Variants in PRSS12 observed in about 807,000 individuals in gnomAD.
PRSS12 encodes serine protease 12.
In PRSS12, 85 loss-of-function variants were observed where a neutral mutation model predicts 104.4. The observed-to-expected ratio is 0.81, with a 90% CI of 0.68 to 0.98. The LOEUF is 0.98. Ranked by LOEUF, PRSS12 falls within the 50% of genes least tolerant of loss-of-function variation. The probability of loss-of-function intolerance (pLI) is 0.00; values close to 1 mark genes in which losing one functional copy is unlikely to be tolerated. For missense variants in PRSS12, 1,141 were observed against 1,139.2 expected (o/e 1.00, Z -0.02); for synonymous variants, 454 against 425.2 (o/e 1.07, Z -0.83).
At chr4:118,344,639 A>G (rs2126045215) in intron 1 of PRSS12, among the ~76,000 whole-genome samples, 1 of 152,252 alleles carries the variant, frequency 6.6e-6, no homozygotes, top group South Asian at 2.1e-4. Flanking sequence ...TTTATTATTC[A>G]TGTATACAAC....
Position 118,352,597 on chromosome 4 carries a change from G to A in PRSS12, c.124C>T (p.His42Tyr), listed in dbSNP as rs1380771926. Residue 42 changes from histidine to tyrosine, a missense_variant, in exon 1 of 13, where the codon CAC becomes TAC. Transcript: ENST00000296498. ...TGGGTGGGAAGGTAATAGGGGTAGT[G>A]CGGACCCGCAGGGGGCGAATGGCGG... ...SHRHSPPAGP[H>Y]YPYYLPTQQR... 10 of 1,606,654 alleles carry A rather than the reference G, an allele frequency of 6.2e-6. No homozygotes were observed. Among genetic ancestry groups the A allele is most frequent in the Non-Finnish European group, 8.5e-6 (10 of 1,176,942 alleles).
intron 8 of PRSS12, among the ~76,000 whole-genome samples, chr4:118,305,282 A>C (rs1350226476): frequency 6.6e-6 from 1 of 151,912 alleles, no homozygotes; most frequent in African/African-American, 2.4e-5. Flanking sequence ...CAAATTGCAG[A>C]TTATGTTATC....
chr4:118,352,955 G>T lies in PRSS12; in HGVS notation c.-235C>A. On this transcript the variant is annotated 5_prime_UTR_variant, in exon 1 of 13. Coordinates refer to ENST00000296498, the MANE Select transcript of PRSS12 (RefSeq NM_003619.4). ...GGGTGGGGAAATCTGGAGCTCAGCCGAGCCCCGGCCGGCGGAGAGGACCGG... is the reference window on the plus strand; with the variant it reads ...GGGTGGGGAAATCTGGAGCTCAGCCTAGCCCCGGCCGGCGGAGAGGACCGG... The T allele has an allele frequency of 8.8e-7, 1 of 1,137,058 alleles. No homozygotes were observed. The highest frequency in any genetic ancestry group is 1.2e-6 in the Non-Finnish European group (1 of 861,930). The allele number at this position is 1,137,058 out of a possible 1,614,324, so 70.4% of individuals were successfully genotyped here.
intron 8 of PRSS12, among the ~76,000 whole-genome samples, chr4:118,299,353 A>T (rs1214455910): frequency 6.6e-6 from 1 of 152,218 alleles, no homozygotes; most frequent in Non-Finnish European, 1.5e-5. Context: ...AGAGGTAAGA[A>T]CTAATTTTTT....
chr4:118,326,443 A>T (rs759763796), intron 4 of PRSS12, among the ~76,000 whole-genome samples: 4 of 152,222 alleles, frequency 2.6e-5, no homozygotes, highest in Non-Finnish European at 5.9e-5. Flanking sequence ...CTCAAAAGTT[A>T]AATAACTTGT....
intron 11 of PRSS12, among the ~76,000 whole-genome samples, chr4:118,286,868 C>G (rs552832090): frequency 7.2e-5 from 11 of 152,232 alleles, no homozygotes; most frequent in African/African-American, 2.6e-4. Context: ...ATAACTCCTG[C>G]CCGTACATGC....
chr4:118,295,210 A>C, intron 10 of PRSS12, 149 bp from the exon 11 acceptor site: 1 of 1,086,094 alleles, frequency 9.2e-7, no homozygotes, highest in Non-Finnish European at 1.3e-6. Flanking sequence ...ATCCCTTCCT[A>C]CTTTGAGAAG....
At chr4:118,321,219 CA>C (rs1723607131) in intron 4 of PRSS12, among the ~76,000 whole-genome samples, 1 of 152,090 alleles carries the variant, frequency 6.6e-6, no homozygotes, top group Non-Finnish European at 1.5e-5. Context: ...AATGACAAAA[CA>C]GAAAGTCATG....
rs769423638 is a variant in PRSS12, at chr4:118,318,515, C to G, written c.1013G>C (p.Gly338Ala). The change falls in exon 5 of 13, where the codon GGG becomes GCG. Residue 338 changes from glycine to alanine, a missense_variant. Coordinates refer to ENST00000296498, the MANE Select transcript of PRSS12 (RefSeq NM_003619.4). ...TTCATCCAACATAACTGGGCCAGACCCTTCCCCAAAATATGCCTGATGCCA... is the reference window on the plus strand; with the variant it reads ...TTCATCCAACATAACTGGGCCAGACGCTTCCCCAAAATATGCCTGATGCCA... Reference protein sequence around the residue: ...KAWHQAYFGEGSGPVMLDEVR... With the variant: ...KAWHQAYFGEASGPVMLDEVR... 3 of 1,614,138 alleles carry G rather than the reference C, an allele frequency of 1.9e-6. No individual in the cohort carries two copies. The South Asian group carries it at 3.3e-5, about 18-fold the overall frequency.
intron 11 of PRSS12, among the ~76,000 whole-genome samples, chr4:118,283,410 A>C (rs1374244846): frequency 4.6e-5 from 7 of 152,192 alleles, no homozygotes; most frequent in Non-Finnish European, 2.9e-5. Context: ...AGCGATCAAA[A>C]CAGGAATAGG....
intron 1 of PRSS12, among the ~76,000 whole-genome samples, chr4:118,340,046 T>C (rs1407599520): frequency 1.3e-5 from 2 of 152,224 alleles, no homozygotes; most frequent in Non-Finnish European, 2.9e-5. Flanking sequence ...AGATTTAAAA[T>C]AGTGTCTACA....
chr4:118,298,782 T>G lies in PRSS12; in HGVS notation c.1788A>C (p.Gly596=). Residue 596 remains glycine (G), a synonymous_variant, in exon 9 of 13, where the codon GGA becomes GGC. Coordinates refer to ENST00000296498, the MANE Select transcript of PRSS12 (RefSeq NM_003619.4). The stretch of plus-strand genomic sequence containing the variant: ...TCTTGCCAAAATAATCACAAATAAC[T>G]CCTGCATCTTCACTGTGGCGGCAGT... ...RHNCRHSEDA[G]VICDYFGKKA... The G allele has an allele frequency of 6.2e-7, 1 of 1,614,172 alleles. No individual in the cohort carries two copies. The highest frequency in any genetic ancestry group is 8.5e-7 in the Non-Finnish European group (1 of 1,180,028).
Position 118,309,374 on chromosome 4 carries a change from G to C in PRSS12, c.1490-797C>G, listed in dbSNP as rs60300552. Among the ~76,000 whole-genome samples, 813 of 152,222 alleles carry C rather than the reference G, an allele frequency of 5.3e-3. 7 individuals carry two copies. The highest frequency in any genetic ancestry group is 0.018 in the African/African-American group (753 of 41,544). ...GGGTGAGCCCTAATCAAATACGTTG[G>C]TATTCCCATAAAATTGAGAAATTTA... On this transcript the variant is annotated intron_variant, in intron 7 of 12. Transcript: ENST00000296498.
chr4:118,309,822 A>C (rs1330445203), intron 7 of PRSS12, among the ~76,000 whole-genome samples: 1 of 152,200 alleles, frequency 6.6e-6, no homozygotes, highest in Non-Finnish European at 1.5e-5. Flanking sequence ...GAAGTTACTA[A>C]ATCAACATTG....
chr4:118,282,732 G>T, intron 12 of PRSS12, 99 bp downstream of exon 12: 1 of 1,535,932 alleles, frequency 6.5e-7, no homozygotes, highest in Non-Finnish European at 9.0e-7. Context: ...CTCCAAATAA[G>T]TCTGAATCCA....
chr4:118,315,599 C>T (rs773499963), intron 6 of PRSS12, among the ~76,000 whole-genome samples: 13 of 152,166 alleles, frequency 8.5e-5, no homozygotes, highest in Non-Finnish European at 1.5e-5. Flanking sequence ...TTTGCAGTTA[C>T]TTCGACCAAC....
At chr4:118,302,638 G>C (rs1160164160) in intron 8 of PRSS12, among the ~76,000 whole-genome samples, 2 of 152,152 alleles carry the variant, frequency 1.3e-5, no homozygotes, top group African/African-American at 4.8e-5. Context: ...TGTTGGCCAG[G>C]CTGGTCTTGA....
At chr4:118,300,006 A>G (rs1182084244) in intron 8 of PRSS12, among the ~76,000 whole-genome samples, 1 of 149,236 alleles carries the variant, frequency 6.7e-6, no homozygotes, top group African/African-American at 2.5e-5. Flanking sequence ...ACAATTTTTT[A>G]TATTTATTTA....
At chr4:118,302,411 C>T (rs1205324037) in intron 8 of PRSS12, among the ~76,000 whole-genome samples, 1 of 152,158 alleles carries the variant, frequency 6.6e-6, no homozygotes. Flanking sequence ...AGTTTCTTTG[C>T]TCTGCAACAA....
Sources: gnomAD v4.1 joint callset for allele counts (sites outside exome capture counted in the v4.1 genomes callset) on GRCh38, gnomAD v4.1.1 for gene constraint, MANE v1.5 for transcripts, NCBI Gene and HGNC (gene_info 2026-07-23, HGNC 2026-07-21) for gene names.